HS6ST2: variants seen among roughly 807,000 people sequenced by gnomAD.
HS6ST2 encodes the protein heparan sulfate 6-O-sulfotransferase 2, also known as heparan-sulfate 6-O-sulfotransferase 2.
HS6ST2 carries 17 observed loss-of-function variants against 33.0 expected under a neutral mutation model. The observed-to-expected ratio is 0.52, with a 90% CI of 0.35 to 0.77. HS6ST2 has a LOEUF of 0.77. HS6ST2 is among the 30% of genes least tolerant of loss of function. HS6ST2 has a pLI of 0.01. For missense variants in HS6ST2, 519 were observed against 551.7 expected, an observed-to-expected ratio of 0.94 and a Z score of 0.59; for synonymous variants, 248 against 237.1, an observed-to-expected ratio of 1.05 and a Z score of -0.42.
intron 2 of HS6ST2, among the ~76,000 whole-genome samples, chrX:132,844,812 A>G (rs1332053452): frequency 9.0e-6 from 1 of 111,429 alleles, no homozygotes; most frequent in East Asian, 2.8e-4. Flanking sequence ...AATTATATAG[A>G]TAAAGAAATC....
chrX:132,754,987 C>T (rs2064744394), intron 2 of HS6ST2, among the ~76,000 whole-genome samples: 1 of 111,729 alleles, frequency 9.0e-6, no homozygotes, highest in Non-Finnish European at 1.9e-5. Flanking sequence ...GCTGGGATTT[C>T]CGGCATGCGG....
intron 2 of HS6ST2, among the ~76,000 whole-genome samples, chrX:132,763,560 T>C (rs1477658150): frequency 1.8e-5 from 2 of 112,355 alleles, no homozygotes; most frequent in Non-Finnish European, 3.8e-5. Context: ...CCCACCCTGT[T>C]CAGGAGCTTT....
chrX:132,881,827 T>G (rs1366365152), intron 2 of HS6ST2, among the ~76,000 whole-genome samples: 1 of 112,045 alleles, frequency 8.9e-6, no homozygotes, highest in Non-Finnish European at 1.9e-5. Context: ...GGATCCAGTT[T>G]CAGCTTTCTA....
At chrX:132,776,231 G>A (rs1469631487) in intron 2 of HS6ST2, among the ~76,000 whole-genome samples, 1 of 112,021 alleles carries the variant, frequency 8.9e-6, no homozygotes, top group African/African-American at 3.2e-5. Flanking sequence ...TAATTGAAAA[G>A]AGAATTGTCG....
At chrX:132,711,143 A>C (rs1189723276) in intron 2 of HS6ST2, among the ~76,000 whole-genome samples, 1 of 112,035 alleles carries the variant, frequency 8.9e-6, no homozygotes, top group Non-Finnish European at 1.9e-5. Flanking sequence ...TCCAATAAGC[A>C]GGGAAGGCAA....
intron 3 of HS6ST2, among the ~76,000 whole-genome samples, chrX:132,686,563 C>T (rs2064017377): frequency 9.0e-6 from 1 of 111,497 alleles, no homozygotes; most frequent in African/African-American, 3.3e-5. Context: ...TGATTTCATC[C>T]AGATTGTTGA....
Position 132,628,633 on chromosome X carries a change from T to C in HS6ST2, c.1528A>G (p.Asn510Asp), listed in dbSNP as rs757796932. The change falls in exon 5 of 5, where the codon AAT becomes GAT. Residue 510 changes from asparagine to aspartate, a missense_variant. Physicochemically the swap from Asn to Asp is conservative, Grantham distance 23. Transcript: ENST00000370833. Reference sequence around the variant, plus strand: ...TCAATACGCTTTTGAATTTCCTCATTGATCTCTACACTAGAGGCCCTAGTG... The same window carrying C: ...TCAATACGCTTTTGAATTTCCTCATCGATCTCTACACTAGAGGCCCTAGTG... ...NTTRASSVEI[N>D]EEIQKRIEGL... The C allele has an allele frequency of 9.1e-6, 11 of 1,210,801 alleles. No homozygotes were observed. The highest frequency in any genetic ancestry group is 1.2e-5 in the Non-Finnish European group (11 of 894,968).
chrX:132,828,416 A>G (rs767301699), intron 2 of HS6ST2, among the ~76,000 whole-genome samples: 24 of 109,990 alleles, frequency 2.2e-4, no homozygotes, highest in South Asian at 3.9e-4. Context: ...CTGGACATCA[A>G]TGAAATAAAG....
chrX:132,913,455 G>A (rs1050688394), intron 2 of HS6ST2, among the ~76,000 whole-genome samples: 3 of 112,782 alleles, frequency 2.7e-5, no homozygotes, highest in African/African-American at 9.6e-5. Flanking sequence ...TGGCATCCCT[G>A]TTCAGATGCC....
intron 2 of HS6ST2, among the ~76,000 whole-genome samples, chrX:132,933,433 A>G: frequency 9.0e-6 from 1 of 111,483 alleles, no homozygotes; most frequent in East Asian, 2.8e-4. Flanking sequence ...CAATCTGAAA[A>G]CAGAGAGAGA....
At chrX:132,684,204 A>G (rs1373278810) in intron 3 of HS6ST2, among the ~76,000 whole-genome samples, 2 of 104,335 alleles carry the variant, frequency 1.9e-5, no homozygotes, top group Admixed American at 1.1e-4. Context: ...CAGTCTCCAC[A>G]GGACAGTGTC....
intron 2 of HS6ST2, among the ~76,000 whole-genome samples, chrX:132,839,296 A>ACACATATGTATGTATG (rs1372043146): frequency 2.6e-5 from 1 of 37,858 alleles, no homozygotes; most frequent in Non-Finnish European, 5.1e-5. Context: ...ATATATATAT[A>ACACATATGTATGTATG]TATATATATA....
intron 4 of HS6ST2, among the ~76,000 whole-genome samples, chrX:132,652,420 G>C (rs1250265643): frequency 2.7e-5 from 3 of 111,712 alleles, no homozygotes; most frequent in Non-Finnish European, 5.6e-5. Flanking sequence ...ATATAATAGA[G>C]AGAGTGCCTA....
intron 3 of HS6ST2, among the ~76,000 whole-genome samples, chrX:132,670,057 T>C (rs1389552671): frequency 9.0e-6 from 1 of 111,536 alleles, no homozygotes; most frequent in Non-Finnish European, 1.9e-5. Context: ...TCTCTCCACT[T>C]GAAGATGTGT....
chrX:132,851,080 T>C (rs2065796900), intron 2 of HS6ST2, among the ~76,000 whole-genome samples: 2 of 112,166 alleles, frequency 1.8e-5, no homozygotes, highest in Admixed American at 9.5e-5. Context: ...TAACATAATA[T>C]TAACCTTATC....
At chrX:132,674,733 G>A (rs376922679) in intron 3 of HS6ST2, among the ~76,000 whole-genome samples, 4 of 112,069 alleles carry the variant, frequency 3.6e-5, no homozygotes, top group African/African-American at 9.7e-5. Context: ...AGTATGGACC[G>A]TAGTTACAAA....
chrX:132,718,166 A>G (rs1387849593), intron 2 of HS6ST2, among the ~76,000 whole-genome samples: 2 of 111,935 alleles, frequency 1.8e-5, no homozygotes, highest in Non-Finnish European at 3.8e-5. Context: ...CCTGAACAAA[A>G]GTCTATACTC....
chrX:132,810,849 C>A (rs1319839615), intron 2 of HS6ST2, among the ~76,000 whole-genome samples: 1 of 112,311 alleles, frequency 8.9e-6, no homozygotes, highest in Admixed American at 9.4e-5. Context: ...AAAGCCAAGC[C>A]CTGGTTAACC....
At chrX:132,700,525 C>G (rs1238077558) in intron 3 of HS6ST2, among the ~76,000 whole-genome samples, 1 of 107,045 alleles carries the variant, frequency 9.3e-6, no homozygotes, top group Non-Finnish European at 1.9e-5. Flanking sequence ...TTTATGTGCA[C>G]ATAAGATCAT....
Sources: gnomAD v4.1 joint callset for allele counts (sites outside exome capture counted in the v4.1 genomes callset) on GRCh38, gnomAD v4.1.1 for gene constraint, MANE v1.5 for transcripts, NCBI Gene and HGNC (gene_info 2026-07-23, HGNC 2026-07-21) for gene names.